Variants in NUAK1 observed in about 807,000 individuals in gnomAD.
NUAK1 encodes the protein NUAK family SNF1-like kinase 1.
A neutral mutation model predicts 56.9 loss-of-function variants in NUAK1; 26 were observed. The ratio of observed to expected loss-of-function variants is 0.46; its 90% CI spans 0.33 to 0.63. The LOEUF (loss-of-function observed/expected upper bound fraction) is 0.63, where lower values mean the gene tolerates loss of function less well. Among genes scored for constraint, NUAK1 ranks in the 30% least tolerant of loss-of-function variants. NUAK1 has a pLI of 0.02. For synonymous variants in NUAK1, 337 were observed against 336.0 expected (o/e 1.00, Z -0.03); for missense variants, 727 against 876.1 (o/e 0.83, Z 2.15).
intron 4 of NUAK1, among the ~76,000 whole-genome samples, chr12:106,073,674 C>T (rs1277218754): frequency 1.3e-5 from 2 of 152,110 alleles, no homozygotes; most frequent in East Asian, 3.9e-4. Flanking sequence ...AAAAATTAGC[C>T]GGGCGTGGTG....
In NUAK1 at chr12:106,064,793, A is replaced by ACCCCCCCCCCCCCCCC. The variant is rs57837292; in HGVS notation, c.*2008_*2009insGGGGGGGGGGGGGGGG. 1.7e-5 allele frequency: 2 copies of ACCCCCCCCCCCCCCCC among 114,572 alleles called. No individual in the cohort carries two copies. The highest frequency in any genetic ancestry group is 3.7e-5 in the Non-Finnish European group (2 of 54,356). 7.1% of individuals were successfully genotyped at this position (114,572 alleles called of 1,614,324 possible). On this transcript the variant is annotated 3_prime_UTR_variant, in exon 7 of 7. Coordinates refer to ENST00000261402, the MANE Select transcript of NUAK1 (RefSeq NM_014840.3). ...TTGTCCTCCATGCACCCACACCCCC[A>ACCCCCCCCCCCCCCCC]CCCCCCCCCACACACACAATTTGCT...
intron 1 of NUAK1, among the ~76,000 whole-genome samples, chr12:106,124,492 C>T (rs1368843318): frequency 6.6e-6 from 1 of 152,162 alleles, no homozygotes; most frequent in African/African-American, 2.4e-5. Flanking sequence ...ATGAAAACCC[C>T]TGCCCTGGCT....
intron 1 of NUAK1, among the ~76,000 whole-genome samples, chr12:106,136,651 C>G (rs2033132308): frequency 6.6e-6 from 1 of 152,220 alleles, no homozygotes. Context: ...CACACCCTTA[C>G]CACTTCAACA....
intron 1 of NUAK1, among the ~76,000 whole-genome samples, chr12:106,130,697 G>C (rs2033069879): frequency 1.3e-5 from 2 of 152,272 alleles, no homozygotes; most frequent in Non-Finnish European, 1.5e-5. Flanking sequence ...AGAGCCGCTA[G>C]TAGGAGAGGG....
chr12:106,138,288 G>A lies in NUAK1; in HGVS notation c.240+126C>T, dbSNP rs1292205421. 2.3e-6 allele frequency: 3 copies of A among 1,303,004 alleles called. No individual in the cohort carries two copies. The highest frequency in any genetic ancestry group is 2.6e-5 in the East Asian group (1 of 39,186). The allele number at this position is 1,303,004 out of a possible 1,614,324, so 80.7% of individuals were successfully genotyped here. A position where few individuals can be genotyped will look rare whatever the true frequency, so the allele number is the denominator to read the frequency against. On this transcript the variant is annotated intron_variant, in intron 1 of 6. Transcript: ENST00000261402. The surrounding 1 kb of genome is among the most constrained non-coding windows in gnomAD (Gnocchi z 5.0). The stretch of plus-strand genomic sequence containing the variant: ...GAAAGAGTGAGGAGTCTGTCTCGGG[G>A]CTTCCCAATGAGCCCCCTCTCTGTC...
intron 1 of NUAK1, among the ~76,000 whole-genome samples, chr12:106,118,679 G>A (rs1020359062): frequency 6.6e-6 from 1 of 152,172 alleles, no homozygotes; most frequent in Non-Finnish European, 1.5e-5. Context: ...GCGGAACCCC[G>A]CCAAGCTGCT....
chr12:106,111,291 A>G (rs1357909410), intron 1 of NUAK1, among the ~76,000 whole-genome samples: 1 of 151,870 alleles, frequency 6.6e-6, no homozygotes, highest in Non-Finnish European at 1.5e-5. Context: ...GCTCCTCTCC[A>G]CCCCCACACA....
chr12:106,092,056 A>G (rs2032640867), intron 2 of NUAK1, among the ~76,000 whole-genome samples: 1 of 152,034 alleles, frequency 6.6e-6, no homozygotes, highest in South Asian at 2.1e-4. Flanking sequence ...ATAAATAAAT[A>G]AATAGGGCAC....
At chr12:106,070,932 G>A (rs965793439) in intron 5 of NUAK1, 26 bp from the exon 6 acceptor site, 3 of 1,613,396 alleles carry the variant, frequency 1.9e-6, no homozygotes, top group Non-Finnish European at 2.5e-6. Flanking sequence ...AGCACATATA[G>A]GAGAGCTGGG....
intron 2 of NUAK1, among the ~76,000 whole-genome samples, chr12:106,094,324 A>G (rs2032671154): frequency 6.6e-6 from 1 of 152,174 alleles, no homozygotes; most frequent in African/African-American, 2.4e-5. Context: ...GTGCTCTTTT[A>G]TTAAAGGTCA....
chr12:106,088,331 T>A (rs1380842111), intron 2 of NUAK1, among the ~76,000 whole-genome samples: 2 of 152,194 alleles, frequency 1.3e-5, no homozygotes, highest in Admixed American at 6.5e-5. Flanking sequence ...CTCCATCTCA[T>A]CCACTTTTCT....
At chr12:106,119,439 C>T (rs1471435218) in intron 1 of NUAK1, among the ~76,000 whole-genome samples, 2 of 152,138 alleles carry the variant, frequency 1.3e-5, no homozygotes, top group Admixed American at 6.5e-5. Context: ...TTAGAAATGC[C>T]ACTCAAAGAA....
In NUAK1 at chr12:106,067,510, G is replaced by A. The variant is rs1164817758; in HGVS notation, c.1278C>T (p.Pro426=). The change falls in exon 7 of 7, where the codon CCC becomes CCT. Residue 426 remains proline, a synonymous_variant. Transcript: ENST00000261402. The surrounding 1 kb of genome is among the most constrained non-coding windows in gnomAD (Gnocchi z 6.0). ...FIEGVVGPAL[P]STFKMEQDLC... ...AGTCCTGCTCCATCTTGAAAGTAGAGGGTAAGGCAGGACCAACTACACCTT... is the reference window on the plus strand; with the variant it reads ...AGTCCTGCTCCATCTTGAAAGTAGAAGGTAAGGCAGGACCAACTACACCTT... The A allele has an allele frequency of 1.2e-6, 2 of 1,614,074 alleles. No homozygotes were observed. Among genetic ancestry groups the A allele is most frequent in the Admixed American group, 1.7e-5 (1 of 60,006 alleles).
At chr12:106,132,191 C>T (rs1394665319) in intron 1 of NUAK1, among the ~76,000 whole-genome samples, 1 of 152,224 alleles carries the variant, frequency 6.6e-6, no homozygotes, top group Non-Finnish European at 1.5e-5. Flanking sequence ...AAAGGGTCTG[C>T]CTGTCTTTTC....
intron 1 of NUAK1, among the ~76,000 whole-genome samples, chr12:106,112,360 C>T (rs147826562): frequency 1.6e-4 from 25 of 152,168 alleles, no homozygotes; most frequent in African/African-American, 5.8e-4. Flanking sequence ...CAGCCAAGCC[C>T]GGCTGGAGGC....
At chr12:106,101,970 C>G (rs1019868233) in intron 2 of NUAK1, among the ~76,000 whole-genome samples, 1 of 152,138 alleles carries the variant, frequency 6.6e-6, no homozygotes, top group Non-Finnish European at 1.5e-5. Flanking sequence ...TGGAATACAG[C>G]CTTGGCAATC....
chr12:106,094,712 A>T (rs1327183184), intron 2 of NUAK1, among the ~76,000 whole-genome samples: 23 of 152,214 alleles, frequency 1.5e-4, no homozygotes, highest in Admixed American at 1.5e-3. Flanking sequence ...AACCACAGCC[A>T]ATGAGGCCAC....
At chr12:106,070,705 G>T in intron 6 of NUAK1, 69 bp downstream of exon 6, 1 of 1,588,382 alleles carries the variant, frequency 6.3e-7, no homozygotes, top group Non-Finnish European at 8.6e-7. Flanking sequence ...AACAAAAGCA[G>T]AAAATAAGAG....
intron 4 of NUAK1, among the ~76,000 whole-genome samples, chr12:106,076,886 G>A (rs187224525): frequency 7.2e-4 from 110 of 152,296 alleles, no homozygotes; most frequent in Middle Eastern, 3.4e-3. Flanking sequence ...TGGGGACAGC[G>A]TTTCAGCTGG....
Sources: allele counts gnomAD v4.1 joint callset (sites outside exome capture counted in the v4.1 genomes callset), GRCh38; gene constraint gnomAD v4.1.1; non-coding constraint Gnocchi (gnomAD v3.1); transcripts MANE v1.5; gene names NCBI Gene and HGNC (gene_info 2026-07-23, HGNC 2026-07-21).